STK3: variants seen among roughly 807,000 people sequenced by gnomAD.
STK3 encodes the protein serine/threonine kinase 3.
Under a neutral mutation model 58.0 loss-of-function variants are expected in STK3, and 41 were observed. The ratio of observed to expected loss-of-function variants is 0.71; its 90% confidence interval spans 0.55 to 0.92. The LOEUF is 0.92. Among genes scored for constraint, STK3 ranks in the 40% least tolerant of loss-of-function variants. The pLI is 0.00. For missense variants in STK3, 479 were observed against 602.7 expected (o/e 0.79, Z 2.15); for synonymous variants, 170 against 191.0 (o/e 0.89, Z 0.91).
intron 6 of STK3, among the ~76,000 whole-genome samples, chr8:98,656,836 G>T (rs1821578690): frequency 6.6e-6 from 1 of 152,078 alleles, no homozygotes; most frequent in Middle Eastern, 3.4e-3. Flanking sequence ...GTTATAGTTA[G>T]TTCAAGTATT....
At chr8:98,520,600 C>G (rs1825280164) in intron 10 of STK3, among the ~76,000 whole-genome samples, 3 of 151,976 alleles carry the variant, frequency 2.0e-5, no homozygotes, top group Non-Finnish European at 4.4e-5. Context: ...GAAGCCTTCT[C>G]TGTCCTGAAA....
intron 10 of STK3, among the ~76,000 whole-genome samples, chr8:98,485,016 G>A (rs1042829970): frequency 1.1e-4 from 17 of 152,104 alleles, no homozygotes; most frequent in Admixed American, 3.9e-4. Flanking sequence ...GAGGTGGGCC[G>A]ATCACCTGAG....
intron 3 of STK3, among the ~76,000 whole-genome samples, chr8:98,846,608 G>A (rs961119580): frequency 1.4e-4 from 22 of 152,086 alleles, no homozygotes; most frequent in Non-Finnish European, 7.4e-5. Flanking sequence ...AGCTCCAAGC[G>A]TATAGGTTAC....
intron 1 of STK3, among the ~76,000 whole-genome samples, chr8:98,885,588 C>T (rs1333663146): frequency 2.0e-5 from 3 of 152,038 alleles, no homozygotes; most frequent in Non-Finnish European, 4.4e-5. Context: ...TACAGGCATG[C>T]GCCACCAGGC....
intron 3 of STK3, among the ~76,000 whole-genome samples, chr8:98,877,065 T>A (rs970300217): frequency 6.6e-6 from 1 of 152,232 alleles, no homozygotes; most frequent in Non-Finnish European, 1.5e-5. Flanking sequence ...CTTTGTTAGC[T>A]AGACTGATTA....
the STK3 span, among the ~76,000 whole-genome samples, chr8:98,350,190 C>G: frequency 2.0e-5 from 3 of 152,166 alleles, no homozygotes; most frequent in Non-Finnish European, 2.9e-5. Context: ...TAAATCATCT[C>G]TCTCAAGTTC....
At chr8:98,653,463 G>A (rs986529913) in intron 6 of STK3, among the ~76,000 whole-genome samples, 2 of 152,032 alleles carry the variant, frequency 1.3e-5, no homozygotes, top group African/African-American at 4.8e-5. Context: ...GCTAGCAGAA[G>A]GGAAGAAATA....
downstream of STK3, among the ~76,000 whole-genome samples, chr8:98,398,540 C>T (rs991655626): frequency 1.3e-5 from 2 of 152,172 alleles, no homozygotes; most frequent in African/African-American, 4.8e-5. Flanking sequence ...GCCAGGAGAT[C>T]CCAAACCCTC....
intron 1 of STK3, among the ~76,000 whole-genome samples, chr8:98,799,943 C>T (rs1833411872): frequency 6.6e-6 from 1 of 152,188 alleles, no homozygotes; most frequent in Non-Finnish European, 1.5e-5. Flanking sequence ...GGACTCTGCA[C>T]CTTCCTAGGG....
chr8:98,377,407 A>G (rs1817687045), intron 2 of STK3, among the ~76,000 whole-genome samples: 1 of 152,182 alleles, frequency 6.6e-6, no homozygotes, highest in South Asian at 2.1e-4. Flanking sequence ...GCAGCCAAAT[A>G]GAAATTTCAA....
chr8:98,531,095 C>G lies in STK3; in HGVS notation c.1142-4178G>C, dbSNP rs117077062. On this transcript the variant is annotated intron_variant, in intron 9 of 10. Transcript: ENST00000419617. ...CTTCCAACCTCCTGTTAATGCTGATCTTTTTACTTCCTCCTATGAATCACA... is the reference window on the plus strand; with the variant it reads ...CTTCCAACCTCCTGTTAATGCTGATGTTTTTACTTCCTCCTATGAATCACA... Among the ~76,000 whole-genome samples the G allele has an allele frequency of 8.7e-4, 133 of 152,328 alleles. No individual in the cohort carries two copies. In the East Asian group the frequency reaches 0.024, roughly 28 times the overall value.
intron 1 of STK3, among the ~76,000 whole-genome samples, chr8:98,909,608 A>G (rs1165853226): frequency 6.6e-6 from 1 of 152,166 alleles, no homozygotes; most frequent in Non-Finnish European, 1.5e-5. Flanking sequence ...ATCATATATT[A>G]TGTGGTCCTT....
intron 6 of STK3, among the ~76,000 whole-genome samples, chr8:98,656,571 A>G (rs917098554): frequency 3.3e-5 from 5 of 152,176 alleles, no homozygotes; most frequent in Middle Eastern, 3.4e-3. Flanking sequence ...TTCAGCATCC[A>G]TTATCATCAT....
At chr8:98,572,287 A>G (rs902794818) in intron 8 of STK3, among the ~76,000 whole-genome samples, 1 of 152,220 alleles carries the variant, frequency 6.6e-6, no homozygotes, top group African/African-American at 2.4e-5. Context: ...TACTAACTGC[A>G]CAAATCCTGT....
intron 6 of STK3, among the ~76,000 whole-genome samples, chr8:98,637,491 C>T (rs1819706377): frequency 6.6e-6 from 1 of 152,150 alleles, no homozygotes; most frequent in Non-Finnish European, 1.5e-5. Flanking sequence ...ACAGCCTGAA[C>T]TTCATTTTGG....
At chr8:98,759,265 C>T (rs1276662180) in intron 3 of STK3, among the ~76,000 whole-genome samples, 1 of 152,178 alleles carries the variant, frequency 6.6e-6, no homozygotes, top group Non-Finnish European at 1.5e-5. Context: ...TTCACTTGAA[C>T]CCTTACGGAC....
At chr8:98,832,035 CTTG>C (rs1216599199) in intron 3 of STK3, among the ~76,000 whole-genome samples, 2 of 151,974 alleles carry the variant, frequency 1.3e-5, no homozygotes, top group African/African-American at 2.4e-5. Context: ...ACTTCCATTT[CTTG>C]TTGTTGATTT....
intron 3 of STK3, chr8:98,413,305 A>G (rs1009057058): frequency 2.1e-6 from 1 of 467,324 alleles, no homozygotes. Flanking sequence ...GCAAGCCACC[A>G]TGCCTGGCCT....
At chr8:98,881,414 G>GTAAAACCC (rs1837788983), downstream of STK3, 1 of 152,172 alleles carries the variant, frequency 6.6e-6, no homozygotes, top group African/African-American at 2.4e-5. Context: ...TTTCAGAGCA[G>GTAAAACCC]TAAAACTCTT....
Sources: allele counts gnomAD v4.1 joint callset (sites outside exome capture counted in the v4.1 genomes callset), GRCh38; gene constraint gnomAD v4.1.1; transcripts MANE v1.5; gene names NCBI Gene and HGNC (gene_info 2026-07-23, HGNC 2026-07-21).